Variants in INTS9 observed in about 807,000 individuals in gnomAD.
INTS9 encodes protein related to CPSF subunits of 74 kDa.
INTS9 carries 55 observed loss-of-function variants against 79.7 expected under a neutral mutation model. The ratio of observed to expected loss-of-function variants is 0.69; its 90% CI spans 0.56 to 0.86. The LOEUF (loss-of-function observed/expected upper bound fraction) is 0.86, where lower values mean the gene tolerates loss of function less well. INTS9 is among the 40% of genes least tolerant of loss of function. The pLI is 0.00. For missense variants in INTS9, 721 were observed against 831.5 expected, an observed-to-expected ratio of 0.87 and a Z score of 1.64; for synonymous variants, 319 against 325.2, an observed-to-expected ratio of 0.98 and a Z score of 0.20.
chr8:28,801,071 C>G (rs949445176), intron 8 of INTS9, among the ~76,000 whole-genome samples: 1 of 152,198 alleles, frequency 6.6e-6, no homozygotes, highest in African/African-American at 2.4e-5. Context: ...TTAACTTTTA[C>G]TGTAGAGCTT....
chr8:28,798,583 C>G (rs1161501995), intron 8 of INTS9: 1 of 152,156 alleles, frequency 6.6e-6, no homozygotes, highest in Non-Finnish European at 1.5e-5. Flanking sequence ...ACTGCAACCT[C>G]CACCTCCTGG....
At chr8:28,768,615 T>C (rs1008160340) in intron 16 of INTS9, among the ~76,000 whole-genome samples, 23 of 152,322 alleles carry the variant, frequency 1.5e-4, no homozygotes, top group African/African-American at 5.3e-4. Flanking sequence ...CTCAGCTGCT[T>C]GCACCATGCC....
intron 1 of INTS9, among the ~76,000 whole-genome samples, chr8:28,887,186 C>CA (rs1224553242): frequency 6.6e-6 from 1 of 151,886 alleles, no homozygotes; most frequent in African/African-American, 2.4e-5. Flanking sequence ...ATTAGCCAGG[C>CA]AAAAAAGAGT....
chr8:28,870,423 C>A (rs1809025926), intron 1 of INTS9, among the ~76,000 whole-genome samples: 1 of 117,976 alleles, frequency 8.5e-6, no homozygotes, highest in African/African-American at 3.2e-5. Flanking sequence ...TTTTTAAGGA[C>A]AATATAATTT....
chr8:28,889,244 T>C (rs1047443063), intron 1 of INTS9, among the ~76,000 whole-genome samples: 1 of 152,198 alleles, frequency 6.6e-6, no homozygotes, highest in Non-Finnish European at 1.5e-5. Context: ...ACTTCAGGTA[T>C]ACCGAGCACG....
At chr8:28,788,317 TTTCTG>T (rs1306337431) in intron 10 of INTS9, among the ~76,000 whole-genome samples, 2 of 152,324 alleles carry the variant, frequency 1.3e-5, no homozygotes, top group East Asian at 3.9e-4. Flanking sequence ...TCATGTCCCT[TTTCTG>T]TTCCAGGATC....
intron 14 of INTS9, among the ~76,000 whole-genome samples, chr8:28,771,461 C>G (rs546147532): frequency 6.6e-6 from 1 of 152,294 alleles, no homozygotes; most frequent in South Asian, 2.1e-4. Context: ...GCCGTGCAGC[C>G]TGACCTTATT....
chr8:28,803,744 T>G (rs1335842716), intron 8 of INTS9, among the ~76,000 whole-genome samples: 1 of 152,106 alleles, frequency 6.6e-6, no homozygotes, highest in African/African-American at 2.4e-5. Flanking sequence ...ATTCATATAG[T>G]TTTTATCTTT....
rs141448873 is a variant in INTS9, at chr8:28,787,013, A to G, written c.1098+816T>C. Among the ~76,000 whole-genome samples, 1,041 of 152,348 alleles carry G rather than the reference A, an allele frequency of 6.8e-3. 4 individuals are homozygous for G. Among genetic ancestry groups the G allele is most frequent in the Non-Finnish European group, 8.8e-3 (600 of 68,032 alleles). On this transcript the variant is annotated intron_variant, in intron 11 of 16. Transcript: ENST00000521022. Reference sequence around the variant, plus strand: ...ATTACAGGCGTGAGCCACCGAGCCCAGCCAATACTGTCAGTTTTCTAAGGT... The same window carrying G: ...ATTACAGGCGTGAGCCACCGAGCCCGGCCAATACTGTCAGTTTTCTAAGGT...
chr8:28,784,209 C>T (rs2130911875), intron 11 of INTS9, among the ~76,000 whole-genome samples: 1 of 152,320 alleles, frequency 6.6e-6, no homozygotes, highest in East Asian at 1.9e-4. Flanking sequence ...ATGGTACGAC[C>T]ACAGTCTACT....
At chr8:28,861,889 C>T (rs1371741445) in intron 1 of INTS9, among the ~76,000 whole-genome samples, 3 of 152,248 alleles carry the variant, frequency 2.0e-5, no homozygotes, top group Non-Finnish European at 2.9e-5. Flanking sequence ...CGAAAGGTGC[C>T]AGGCACCGAG....
intron 7 of INTS9, among the ~76,000 whole-genome samples, chr8:28,813,211 T>C (rs753894255): frequency 6.6e-6 from 1 of 152,186 alleles, no homozygotes; most frequent in Admixed American, 6.5e-5. Flanking sequence ...TCTTCCCGTT[T>C]CACCCATCCA....
At chr8:28,864,152 G>A (rs553422022) in intron 1 of INTS9, among the ~76,000 whole-genome samples, 1 of 152,262 alleles carries the variant, frequency 6.6e-6, no homozygotes, top group South Asian at 2.1e-4. Context: ...AGGCGAGTCT[G>A]GACAACACAG....
intron 1 of INTS9, among the ~76,000 whole-genome samples, chr8:28,876,913 G>A (rs1410600686): frequency 6.6e-6 from 1 of 151,912 alleles, no homozygotes; most frequent in East Asian, 1.9e-4. Flanking sequence ...TTAGCAAAAG[G>A]TTTTAAAATG....
chr8:28,883,056 C>T (rs1449759958), intron 1 of INTS9, among the ~76,000 whole-genome samples: 1 of 152,210 alleles, frequency 6.6e-6, no homozygotes. Context: ...ATTTCTGGCA[C>T]GTACCCCTTT....
chr8:28,836,373 T>C (rs1806807223), intron 5 of INTS9, among the ~76,000 whole-genome samples: 1 of 152,174 alleles, frequency 6.6e-6, no homozygotes, highest in Admixed American at 6.5e-5. Context: ...GGCCAGAGGA[T>C]GACCACAAAG....
At chr8:28,769,610 C>T in intron 16 of INTS9, 1 of 360,398 alleles carries the variant, frequency 2.8e-6, no homozygotes, top group Admixed American at 4.4e-5. Flanking sequence ...GGCCTCACTA[C>T]CCTGCCCCAC....
chr8:28,792,785 T>A (rs541173294), intron 10 of INTS9, among the ~76,000 whole-genome samples: 75 of 151,834 alleles, frequency 4.9e-4, no homozygotes, highest in Admixed American at 4.9e-3. Context: ...TGGTGGCGGG[T>A]GCCTGTAATC....
intron 2 of INTS9, among the ~76,000 whole-genome samples, chr8:28,857,293 G>T (rs1191437230): frequency 6.6e-6 from 1 of 152,148 alleles, no homozygotes; most frequent in Non-Finnish European, 1.5e-5. Context: ...GAGAAAGAAG[G>T]GTCACAGAGG....
Sources: allele counts gnomAD v4.1 joint callset (sites outside exome capture counted in the v4.1 genomes callset), GRCh38; gene constraint gnomAD v4.1.1; transcripts MANE v1.5; gene names NCBI Gene and HGNC (gene_info 2026-07-23, HGNC 2026-07-21).